PCDHA2: variants seen among roughly 807,000 people sequenced by gnomAD.
PCDHA2 encodes the protein protocadherin alpha 2, also known as protocadherin alpha-2.
Under a neutral mutation model 66.0 loss-of-function variants are expected in PCDHA2, and 58 were observed. The observed-to-expected ratio is 0.88, with a 90% CI of 0.71 to 1.09. The LOEUF (loss-of-function observed/expected upper bound fraction) is 1.09, where lower values mean the gene tolerates loss of function less well. Ranked by LOEUF, PCDHA2 falls within the 50% of genes least tolerant of loss-of-function variation. The pLI is 0.00. For missense variants in PCDHA2, 1,267 were observed against 1,242.3 expected (o/e 1.02, Z -0.30); for synonymous variants, 634 against 554.0 (o/e 1.14, Z -2.03).
chr5:140,967,415 C>T, intron 1 of PCDHA2: 1 of 1,613,142 alleles, frequency 6.2e-7, no homozygotes, highest in African/African-American at 1.3e-5. Flanking sequence ...GGGCCTAGAC[C>T]GGGAGCAGGC....
At chr5:140,828,667 T>G in intron 1 of PCDHA2, 3 of 1,614,172 alleles carry the variant, frequency 1.9e-6, no homozygotes, top group Non-Finnish European at 2.5e-6. Flanking sequence ...ATAAACAAAT[T>G]GGGCTCTTAT....
chr5:140,928,550 C>A (rs781857799), intron 1 of PCDHA2: 1 of 1,614,160 alleles, frequency 6.2e-7, no homozygotes, highest in South Asian at 1.1e-5. Flanking sequence ...GACAATTATC[C>A]GGTTATCTTG....
chr5:140,884,204 C>A (rs1410511984), intron 1 of PCDHA2: 1 of 1,613,382 alleles, frequency 6.2e-7, no homozygotes, highest in Non-Finnish European at 8.5e-7. Flanking sequence ...GCCGCACCAC[C>A]GCCTTCTGGT....
intron 1 of PCDHA2, among the ~76,000 whole-genome samples, chr5:140,943,674 A>G (rs1401531217): frequency 6.6e-6 from 1 of 152,240 alleles, no homozygotes; most frequent in Non-Finnish European, 1.5e-5. Context: ...TAAAGTGTGA[A>G]AAAAAGGGAT....
chr5:140,932,222 A>T (rs2088129167), intron 1 of PCDHA2, among the ~76,000 whole-genome samples: 1 of 151,870 alleles, frequency 6.6e-6, no homozygotes, highest in African/African-American at 2.4e-5. Flanking sequence ...GGCAATTTAA[A>T]TTTTTTAGAA....
chr5:140,908,754 A>G (rs1403008536), intron 1 of PCDHA2, among the ~76,000 whole-genome samples: 1 of 152,184 alleles, frequency 6.6e-6, no homozygotes, highest in African/African-American at 2.4e-5. Context: ...ACTTGCACAC[A>G]GCCTGGACGT....
chr5:140,796,041 C>G lies in PCDHA2; in HGVS notation c.1077C>G (p.Ile359Met). 3 of 1,614,244 alleles carry G rather than the reference C, an allele frequency of 1.9e-6. No homozygotes were observed. Among genetic ancestry groups the G allele is most frequent in the Non-Finnish European group, 2.5e-6 (3 of 1,180,044 alleles). Residue 359 changes from isoleucine (I) to methionine (M), a missense_variant, in exon 1 of 4, where the codon ATC becomes ATG. Coordinates refer to ENST00000526136, the MANE Select transcript of PCDHA2 (RefSeq NM_018905.3). ...CAATAACGTCTCTCTCACTTCCCAT[C>G]TCAGAGAACGCTTCCCTGGGCACTG... ...EVSITSLSLP[I>M]SENASLGTVI... is the part of the protein sequence containing the mutation.
In PCDHA2 at chr5:141,009,879, A is replaced by T. The variant is rs2098415109; in HGVS notation, c.2789A>T (p.Asn930Ile). The T allele has an allele frequency of 1.2e-6, 2 of 1,613,766 alleles. No individual in the cohort carries two copies. The highest frequency in any genetic ancestry group is 3.3e-5 in the Admixed American group (2 of 59,900). Reference sequence around the variant, plus strand: ...AAAAAGAAGAAAAAGAAGAAGGGTAACAAGACCCAGGAGAAAAAAGAGAAA... The same window carrying T: ...AAAAAGAAGAAAAAGAAGAAGGGTATCAAGACCCAGGAGAAAAAAGAGAAA... The part of the protein sequence containing the change: ...TKKKKKKKKG[N>I]KTQEKKEKGN... Residue 930 changes from asparagine to isoleucine, a missense_variant, in exon 4 of 4, where the codon AAC (asparagine) becomes ATC (isoleucine). Coordinates refer to ENST00000526136, the MANE Select transcript of PCDHA2 (RefSeq NM_018905.3).
intron 3 of PCDHA2, among the ~76,000 whole-genome samples, chr5:140,991,619 A>G (rs1554252338): frequency 1.3e-5 from 2 of 152,206 alleles, no homozygotes; most frequent in African/African-American, 4.8e-5. Context: ...CTTTAATGCC[A>G]TATTTGTAAT....
intron 1 of PCDHA2, among the ~76,000 whole-genome samples, chr5:140,872,278 AAAGTT>A (rs2053578296): frequency 6.6e-6 from 1 of 152,138 alleles, no homozygotes; most frequent in Non-Finnish European, 1.5e-5. Context: ...TTTGAAGAAA[AAAGTT>A]AAGCCTTGCA....
chr5:140,933,166 T>C (rs1447932546), intron 1 of PCDHA2, among the ~76,000 whole-genome samples: 1 of 152,002 alleles, frequency 6.6e-6, no homozygotes, highest in African/African-American at 2.4e-5. Context: ...CCAATTTTAA[T>C]TGATGGCATA....
intron 1 of PCDHA2, among the ~76,000 whole-genome samples, chr5:140,908,825 G>A (rs1554193511): frequency 1.3e-5 from 2 of 152,252 alleles, no homozygotes; most frequent in South Asian, 2.1e-4. Flanking sequence ...TGGGTTACTC[G>A]ATAAATGGGC....
chr5:140,814,848 C>G (rs1554126621), intron 1 of PCDHA2: 1 of 152,052 alleles, frequency 6.6e-6, no homozygotes, highest in African/African-American at 2.4e-5. Flanking sequence ...TGAATGTTTG[C>G]CTCATATATT....
chr5:140,853,741 G>C, intron 1 of PCDHA2: 1 of 988,438 alleles, frequency 1.0e-6, no homozygotes, highest in East Asian at 1.1e-4. Flanking sequence ...TGAATGTTCT[G>C]GTTCAAGGCT....
intron 1 of PCDHA2, among the ~76,000 whole-genome samples, chr5:140,975,411 G>A (rs868983297): frequency 6.6e-6 from 1 of 152,236 alleles, no homozygotes; most frequent in African/African-American, 2.4e-5. Flanking sequence ...CAGTCTTGGA[G>A]ACTATTCAGG....
chr5:140,836,101 C>T, intron 1 of PCDHA2: 17 of 1,613,712 alleles, frequency 1.1e-5, no homozygotes, highest in Non-Finnish European at 1.4e-5. Context: ...GTGGGTGGCA[C>T]TGGTGGCGCA....
intron 1 of PCDHA2, chr5:140,870,530 T>C (rs2052115440): frequency 6.2e-7 from 1 of 1,614,198 alleles, no homozygotes; most frequent in African/African-American, 1.3e-5. Flanking sequence ...ATCTTCACAG[T>C]GTCGGCGCGG....
chr5:140,801,535 C>T (rs1343853054), intron 1 of PCDHA2: 7 of 1,614,076 alleles, frequency 4.3e-6, no homozygotes, highest in African/African-American at 2.7e-5. Flanking sequence ...GTGGACAGGC[C>T]GCTGCAGGTT....
intron 1 of PCDHA2, among the ~76,000 whole-genome samples, chr5:140,888,467 A>C (rs562447782): frequency 7.2e-5 from 11 of 152,334 alleles, no homozygotes; most frequent in African/African-American, 2.6e-4. Flanking sequence ...TCAAAATGTC[A>C]GTAGTTCCAC....
Sources: gnomAD v4.1 joint callset for allele counts (sites outside exome capture counted in the v4.1 genomes callset) on GRCh38, gnomAD v4.1.1 for gene constraint, MANE v1.5 for transcripts, NCBI Gene and HGNC (gene_info 2026-07-23, HGNC 2026-07-21) for gene names.